SLC38A12: variants seen among roughly 807,000 people sequenced by gnomAD.
SLC38A12 encodes the protein putative sodium-coupled neutral amino acid transporter 12.
the SLC38A12 span, chr17:74,788,792 C>G: frequency 6.2e-7 from 1 of 1,613,002 alleles, no homozygotes; most frequent in South Asian, 1.1e-5. Context: ...CCCTCAGCTT[C>G]GTGACCACCA....
At chr17:74,792,966 A>C in the SLC38A12 span, among the ~76,000 whole-genome samples, 1 of 152,250 alleles carries the variant, frequency 6.6e-6, no homozygotes, top group Non-Finnish European at 1.5e-5. Context: ...AATAAAGTGC[A>C]CATTGGAAGG....
the SLC38A12 span, among the ~76,000 whole-genome samples, chr17:74,825,469 A>G: frequency 6.6e-6 from 1 of 152,224 alleles, no homozygotes; most frequent in African/African-American, 2.4e-5. Context: ...CAGGTAATGA[A>G]CGCTTGCTGG....
At chr17:74,800,240 G>GC in the SLC38A12 span, among the ~76,000 whole-genome samples, 2 of 152,248 alleles carry the variant, frequency 1.3e-5, no homozygotes, top group Non-Finnish European at 2.9e-5. Context: ...AGCCCTGGAA[G>GC]CCTGACATTT....
chr17:74,784,255 G>A, the SLC38A12 span, among the ~76,000 whole-genome samples: 1 of 152,250 alleles, frequency 6.6e-6, no homozygotes, highest in East Asian at 1.9e-4. Context: ...AAAGCATACG[G>A]TATGTCACCC....
the SLC38A12 span, chr17:74,838,705 C>T: frequency 7.0e-7 from 1 of 1,435,304 alleles, no homozygotes; most frequent in Middle Eastern, 2.6e-4. Context: ...TCACCTTCCT[C>T]TCCATCGATG....
At chr17:74,788,759 C>T in the SLC38A12 span, 1 of 1,605,910 alleles carries the variant, frequency 6.2e-7, no homozygotes, top group Non-Finnish European at 8.5e-7. Flanking sequence ...AACCTGTCCG[C>T]CTTTGGCGCT....
chr17:74,837,005 T>TC, the SLC38A12 span: 1 of 1,136,140 alleles, frequency 8.8e-7, no homozygotes, highest in South Asian at 3.3e-5. Context: ...CAACCCTACT[T>TC]CCAGGGCGGG....
chr17:74,785,172 T>C, the SLC38A12 span, among the ~76,000 whole-genome samples: 1 of 152,202 alleles, frequency 6.6e-6, no homozygotes, highest in South Asian at 2.1e-4. Flanking sequence ...TACAGCCTGG[T>C]TGAGTAGAGC....
At chr17:74,808,041 C>T in the SLC38A12 span, among the ~76,000 whole-genome samples, 43 of 152,264 alleles carry the variant, frequency 2.8e-4, no homozygotes, top group Admixed American at 5.2e-4. Flanking sequence ...TTCCCCTTCC[C>T]CCTAAACCAC....
the SLC38A12 span, chr17:74,785,685 A>G: frequency 6.5e-7 from 1 of 1,533,956 alleles, no homozygotes; most frequent in Non-Finnish European, 8.8e-7. Context: ...ACATGAGGGC[A>G]CTGAGGGGGT....
the SLC38A12 span, among the ~76,000 whole-genome samples, chr17:74,799,160 T>C: frequency 6.6e-6 from 1 of 152,196 alleles, no homozygotes; most frequent in Non-Finnish European, 1.5e-5. Flanking sequence ...AGGGAAGCAG[T>C]GTCAGAGGGG....
chr17:74,832,168 C>T, the SLC38A12 span, among the ~76,000 whole-genome samples: 2 of 152,192 alleles, frequency 1.3e-5, no homozygotes, highest in East Asian at 3.9e-4. Context: ...GGGCCCTGAC[C>T]TCCCCTCTGT....
the SLC38A12 span, chr17:74,777,604 C>G: frequency 6.7e-7 from 1 of 1,497,372 alleles, no homozygotes; most frequent in Non-Finnish European, 8.9e-7. Flanking sequence ...TCAAGCCAAA[C>G]AAAATCGCCA....
the SLC38A12 span, among the ~76,000 whole-genome samples, chr17:74,830,092 G>C: frequency 2.6e-5 from 4 of 151,726 alleles, no homozygotes; most frequent in Admixed American, 6.6e-5. Context: ...GGGGGTGCTG[G>C]TAGGACTCCC....
At chr17:74,830,636 C>T in the SLC38A12 span, among the ~76,000 whole-genome samples, 1,766 of 152,346 alleles carry the variant, frequency 0.012, 16 homozygotes, top group Middle Eastern at 0.02. Flanking sequence ...TCCAGATGCC[C>T]GTACACTGGA....
At chr17:74,777,660 C>T in the SLC38A12 span, 4 of 1,348,828 alleles carry the variant, frequency 3.0e-6, no homozygotes, top group Non-Finnish European at 3.9e-6. Context: ...TGGCTCACGC[C>T]TGTAATCCCA....
the SLC38A12 span, among the ~76,000 whole-genome samples, chr17:74,818,163 C>T: frequency 5.3e-5 from 8 of 152,318 alleles, no homozygotes; most frequent in African/African-American, 1.7e-4. Flanking sequence ...ACCGTGTCCC[C>T]AGCTCCTCTC....
the SLC38A12 span, among the ~76,000 whole-genome samples, chr17:74,795,899 G>T: frequency 6.6e-6 from 1 of 152,224 alleles, no homozygotes; most frequent in Non-Finnish European, 1.5e-5. Context: ...TCAGGACCGT[G>T]ACTGTTGTAA....
the SLC38A12 span, among the ~76,000 whole-genome samples, chr17:74,796,799 T>C: frequency 2.0e-5 from 3 of 152,244 alleles, no homozygotes; most frequent in African/African-American, 7.2e-5. Context: ...TTCCCCAGCC[T>C]TGGGGCGGGA....
Sources: gnomAD v4.1 joint callset for allele counts (sites outside exome capture counted in the v4.1 genomes callset) on GRCh38, gnomAD v4.1.1 for gene constraint, MANE v1.5 for transcripts, NCBI Gene and HGNC (gene_info 2026-07-23, HGNC 2026-07-21) for gene names.